The following SLC44A1 variants were observed in gnomAD, a reference collection of about 807,000 sequenced individuals.
SLC44A1 encodes the protein solute carrier family 44 member 1, also known as choline transporter-like protein 1.
A neutral mutation model predicts 79.3 loss-of-function variants in SLC44A1; 26 were observed. The observed-to-expected ratio is 0.33, with a 90% CI of 0.24 to 0.46. The LOEUF (loss-of-function observed/expected upper bound fraction) is 0.46. Ranked by LOEUF, SLC44A1 falls within the 20% of genes least tolerant of loss-of-function variation. The pLI, the probability that SLC44A1 is intolerant of heterozygous loss-of-function variation, is 1.00. For synonymous variants in SLC44A1, 263 were observed against 286.2 expected, an observed-to-expected ratio of 0.92 and a Z score of 0.82; for missense variants, 688 against 798.1, an observed-to-expected ratio of 0.86 and a Z score of 1.66.
intron 3 of SLC44A1, among the ~76,000 whole-genome samples, chr9:105,328,907 C>T (rs562315042): frequency 9.3e-4 from 142 of 152,272 alleles, no homozygotes; most frequent in Non-Finnish European, 1.4e-3. Flanking sequence ...TCTTGGGTTT[C>T]ACCAACTCTG....
At chr9:105,376,094 T>G (rs12345601) in intron 13 of SLC44A1, among the ~76,000 whole-genome samples, 1,936 of 152,232 alleles carry the variant, frequency 0.013, 20 homozygotes, top group Non-Finnish European at 0.022. Flanking sequence ...ATTGAACCCT[T>G]AGGTTGCTCT....
intron 4 of SLC44A1, among the ~76,000 whole-genome samples, chr9:105,345,341 C>T (rs1331740240): frequency 1.3e-5 from 2 of 152,114 alleles, no homozygotes; most frequent in African/African-American, 2.4e-5. Flanking sequence ...ATGTTGGAAC[C>T]ATTAGCCAGG....
At chr9:105,405,741 T>C (rs985789681) in intron 15 of SLC44A1, among the ~76,000 whole-genome samples, 8 of 152,264 alleles carry the variant, frequency 5.3e-5, no homozygotes, top group Admixed American at 5.2e-4. Flanking sequence ...CCTCAGAAGC[T>C]TCTTAGGGTT....
chr9:105,397,418 T>A, downstream of SLC44A1: 2 of 946,912 alleles, frequency 2.1e-6, no homozygotes, highest in Non-Finnish European at 2.5e-6. Flanking sequence ...GGGCAACATC[T>A]TCGTTTCAAA....
chr9:105,331,483 A>G (rs933834291), intron 3 of SLC44A1, among the ~76,000 whole-genome samples: 3 of 152,242 alleles, frequency 2.0e-5, no homozygotes, highest in African/African-American at 7.2e-5. Flanking sequence ...TAAAACTATC[A>G]GTTCATTTTG....
intron 12 of SLC44A1, among the ~76,000 whole-genome samples, chr9:105,372,939 G>A (rs569384390): frequency 5.1e-4 from 73 of 142,354 alleles, no homozygotes; most frequent in Admixed American, 9.1e-4. Context: ...GACAGAGCGA[G>A]ACTCCGTCTC....
At chr9:105,281,527 CTTG>C (rs1351337998) in intron 1 of SLC44A1, among the ~76,000 whole-genome samples, 1 of 152,012 alleles carries the variant, frequency 6.6e-6, no homozygotes, top group African/African-American at 2.4e-5. Flanking sequence ...AAGGTGATAT[CTTG>C]TTGTAAAGGA....
intron 4 of SLC44A1, among the ~76,000 whole-genome samples, chr9:105,337,251 GT>G (rs1373108081): frequency 3.0e-4 from 45 of 152,100 alleles, no homozygotes; most frequent in Non-Finnish European, 2.9e-5. Context: ...TATTGTTTGG[GT>G]TCAGATGTTG....
intron 15 of SLC44A1, among the ~76,000 whole-genome samples, chr9:105,415,896 A>ATTTTTTTTTTTTTTTTTTTTTTT (rs10592448): frequency 8.5e-6 from 1 of 117,966 alleles, no homozygotes; most frequent in African/African-American, 3.3e-5. Context: ...GATTGACTGA[A>ATTTTTTTTTTTTTTTTTTTTTTT]TTTTTTTTTT....
chr9:105,324,425 A>G (rs1826506525), intron 3 of SLC44A1, among the ~76,000 whole-genome samples: 1 of 150,132 alleles, frequency 6.7e-6, no homozygotes, highest in Non-Finnish European at 1.5e-5. Flanking sequence ...CAATTTTTGT[A>G]TTTTTTTTGT....
At chr9:105,257,514 G>A (rs373913735) in intron 1 of SLC44A1, among the ~76,000 whole-genome samples, 5 of 152,216 alleles carry the variant, frequency 3.3e-5, no homozygotes, top group African/African-American at 9.6e-5. Context: ...ACAGGCATGA[G>A]CTACCGTGCC....
chr9:105,302,268 A>G (rs1421321021), intron 2 of SLC44A1, among the ~76,000 whole-genome samples: 1 of 152,204 alleles, frequency 6.6e-6, no homozygotes, highest in Non-Finnish European at 1.5e-5. Context: ...ATATACAAAT[A>G]TAAATTTGTA....
intron 4 of SLC44A1, among the ~76,000 whole-genome samples, chr9:105,339,292 G>A (rs1827017927): frequency 6.6e-6 from 1 of 152,030 alleles, no homozygotes; most frequent in African/African-American, 2.4e-5. Flanking sequence ...CGGAACCTTT[G>A]TGTACCGTTG....
intron 15 of SLC44A1, among the ~76,000 whole-genome samples, chr9:105,387,674 C>T (rs539733272): frequency 1.2e-3 from 187 of 152,232 alleles, no homozygotes; most frequent in African/African-American, 4.5e-3. Flanking sequence ...TTCATTACAT[C>T]ATTCAGTAAT....
chr9:105,333,244 C>CA (rs1292133843), intron 3 of SLC44A1, among the ~76,000 whole-genome samples: 1 of 151,752 alleles, frequency 6.6e-6, no homozygotes, highest in Non-Finnish European at 1.5e-5. Context: ...CAGCTTCTGG[C>CA]TTTTTTTTCC....
Position 105,395,077 on chromosome 9 carries a change from A to G in SLC44A1, c.*6021A>G, listed in dbSNP as rs1828848036. The G allele has an allele frequency of 1.0e-6, 1 of 985,372 alleles. No homozygotes were observed. Among genetic ancestry groups the G allele is most frequent in the Non-Finnish European group, 1.2e-6 (1 of 829,958 alleles). The allele number at this position is 985,372 out of a possible 1,614,324, so 61.0% of individuals were successfully genotyped here. A position where few individuals can be genotyped will look rare whatever the true frequency, so the allele number is the denominator to read the frequency against. The stretch of plus-strand genomic sequence containing the variant: ...TTGTGAAATTTGATCCCAGTGGCTC[A>G]TGACTTATAGTCAGGCATCAAACCA... On this transcript the variant is annotated 3_prime_UTR_variant, in exon 16 of 16. Coordinates refer to ENST00000374720, the MANE Select transcript of SLC44A1 (RefSeq NM_080546.5).
intron 1 of SLC44A1, among the ~76,000 whole-genome samples, chr9:105,276,519 T>A (rs1830205286): frequency 6.6e-6 from 1 of 151,520 alleles, no homozygotes. Flanking sequence ...GATGAAGATA[T>A]GTACTGTTTT....
At chr9:105,266,806 A>G (rs960036241) in intron 1 of SLC44A1, among the ~76,000 whole-genome samples, 8 of 152,222 alleles carry the variant, frequency 5.3e-5, no homozygotes, top group Middle Eastern at 3.4e-3. Flanking sequence ...GCCTTCCCCT[A>G]TACATTTTAG....
At position 105,309,830 on chromosome 9, in the gene SLC44A1, C is replaced by G; in HGVS notation, c.233C>G (p.Ala78Gly). Reference protein sequence around the residue: ...ICGQKNTKLEAIPNSGMDHTQ... With the variant: ...ICGQKNTKLEGIPNSGMDHTQ... ...GGGCAGAAAAATACAAAGTTGGAAGCAATACCAAACAGTGGCATGGACCAC... is the reference window on the plus strand; with the variant it reads ...GGGCAGAAAAATACAAAGTTGGAAGGAATACCAAACAGTGGCATGGACCAC... Residue 78 changes from alanine (A) to glycine (G), a missense_variant, in exon 3 of 16, where the codon GCA becomes GGA. Coordinates refer to ENST00000374720, the MANE Select transcript of SLC44A1 (RefSeq NM_080546.5). 1 of 1,613,798 alleles carries G rather than the reference C, an allele frequency of 6.2e-7. No homozygotes were observed. Among genetic ancestry groups the G allele is most frequent in the South Asian group, 1.1e-5 (1 of 91,058 alleles).
Sources: gnomAD v4.1 joint callset for allele counts (sites outside exome capture counted in the v4.1 genomes callset) on GRCh38, gnomAD v4.1.1 for gene constraint, MANE v1.5 for transcripts, NCBI Gene and HGNC (gene_info 2026-07-23, HGNC 2026-07-21) for gene names.